CRIM1: variants seen among roughly 807,000 people sequenced by gnomAD.
The protein encoded by CRIM1 is cysteine rich transmembrane BMP regulator 1.
In CRIM1, 32 loss-of-function variants were observed where a neutral mutation model predicts 116.4. That is an observed-to-expected ratio of 0.27 (90% confidence interval 0.21 to 0.37). The LOEUF (loss-of-function observed/expected upper bound fraction) is 0.37. CRIM1 is among the 10% of genes least tolerant of loss of function. The pLI is 1.00. For missense variants in CRIM1, 1,331 were observed against 1,354.8 expected (o/e 0.98, Z 0.28); for synonymous variants, 590 against 509.2 (o/e 1.16, Z -2.13).
intron 14 of CRIM1, among the ~76,000 whole-genome samples, chr2:36,538,463 G>T (rs536647931): frequency 6.6e-6 from 1 of 152,074 alleles, no homozygotes; most frequent in Non-Finnish European, 1.5e-5. Context: ...ATGTTTTCTC[G>T]CAGCATTATA....
intron 2 of CRIM1, among the ~76,000 whole-genome samples, chr2:36,430,075 A>C (rs1346210401): frequency 6.6e-6 from 1 of 152,224 alleles, no homozygotes; most frequent in Admixed American, 6.5e-5. Context: ...ATTCCAGCAC[A>C]TCCCGTCAGC....
chr2:36,538,984 C>T, intron 14 of CRIM1, among the ~76,000 whole-genome samples: 1 of 152,206 alleles, frequency 6.6e-6, no homozygotes, highest in East Asian at 1.9e-4. Flanking sequence ...GTGCCAAGCA[C>T]TGTTCTAGGC....
At chr2:36,364,640 C>T (rs1245351097) in intron 1 of CRIM1, among the ~76,000 whole-genome samples, 1 of 152,140 alleles carries the variant, frequency 6.6e-6, no homozygotes, top group Non-Finnish European at 1.5e-5. Flanking sequence ...GAAAATAGGG[C>T]TTGGGGCTAG....
intron 4 of CRIM1, among the ~76,000 whole-genome samples, chr2:36,449,768 C>T (rs1676549312): frequency 6.6e-6 from 1 of 151,594 alleles, no homozygotes; most frequent in Non-Finnish European, 1.5e-5. Context: ...TTTCAGAGCT[C>T]AGAAAATAAT....
At chr2:36,538,739 TC>T (rs1028350691) in intron 14 of CRIM1, among the ~76,000 whole-genome samples, 7 of 152,188 alleles carry the variant, frequency 4.6e-5, no homozygotes, top group Non-Finnish European at 8.8e-5. Flanking sequence ...AGTTGGGTTC[TC>T]TTTATAGTTT....
intron 7 of CRIM1, among the ~76,000 whole-genome samples, chr2:36,497,765 C>G (rs1680701720): frequency 6.6e-6 from 1 of 152,194 alleles, no homozygotes; most frequent in African/African-American, 2.4e-5. Context: ...AGTAAGTCAT[C>G]GTTGCCTGCT....
chr2:36,413,479 G>A (rs532616002), intron 2 of CRIM1, among the ~76,000 whole-genome samples: 6 of 152,182 alleles, frequency 3.9e-5, no homozygotes, highest in African/African-American at 1.2e-4. Context: ...GGGAAAGGAC[G>A]GTTGTGAGGC....
chr2:36,416,235 G>T (rs1010943181), intron 2 of CRIM1, among the ~76,000 whole-genome samples: 2 of 129,472 alleles, frequency 1.5e-5, no homozygotes, highest in Admixed American at 7.6e-5. Context: ...AATAATAATG[G>T]ATTGGAACTA....
chr2:36,395,322 G>T (rs184181657), intron 1 of CRIM1, among the ~76,000 whole-genome samples: 98 of 152,204 alleles, frequency 6.4e-4, no homozygotes, highest in African/African-American at 2.3e-3. Context: ...TTTTAAGATG[G>T]CATTTATACC....
intron 1 of CRIM1, among the ~76,000 whole-genome samples, chr2:36,379,540 G>T (rs1233841072): frequency 2.6e-5 from 4 of 152,144 alleles, no homozygotes; most frequent in Non-Finnish European, 5.9e-5. Context: ...GCGTGCAGAG[G>T]TAATGTGCAG....
intron 14 of CRIM1, 130 bp downstream of exon 14, chr2:36,537,676 G>A (rs753977022): frequency 7.8e-6 from 8 of 1,019,896 alleles, no homozygotes; most frequent in Middle Eastern, 3.1e-4. Flanking sequence ...CCCAGTTAGC[G>A]CCTCCACCCA....
At chr2:36,450,355 A>T (rs936864266) in intron 4 of CRIM1, among the ~76,000 whole-genome samples, 1 of 151,992 alleles carries the variant, frequency 6.6e-6, no homozygotes, top group Non-Finnish European at 1.5e-5. Context: ...CTGAGGTCGG[A>T]TTGTGTGTGT....
intron 1 of CRIM1, among the ~76,000 whole-genome samples, chr2:36,390,286 A>G (rs1385959109): frequency 2.0e-5 from 3 of 152,222 alleles, no homozygotes; most frequent in African/African-American, 7.2e-5. Context: ...GCTGTTGGGA[A>G]AAAATAGGGT....
intron 1 of CRIM1, among the ~76,000 whole-genome samples, chr2:36,358,591 G>C (rs1264842032): frequency 6.6e-6 from 1 of 152,178 alleles, no homozygotes; most frequent in East Asian, 1.9e-4. Flanking sequence ...CCTCTGAAAT[G>C]ATGTGATCCC....
intron 8 of CRIM1, among the ~76,000 whole-genome samples, chr2:36,501,807 G>C (rs1207948953): frequency 6.6e-6 from 1 of 152,026 alleles, no homozygotes; most frequent in African/African-American, 2.4e-5. Flanking sequence ...TACCCATTTG[G>C]GGGTATTCTG....
chr2:36,373,527 A>G (rs1670085988), intron 1 of CRIM1, among the ~76,000 whole-genome samples: 1 of 152,224 alleles, frequency 6.6e-6, no homozygotes, highest in Non-Finnish European at 1.5e-5. Context: ...CTGTACCCAA[A>G]GATGGCACTT....
At chr2:36,444,922 G>C (rs958549565) in intron 4 of CRIM1, among the ~76,000 whole-genome samples, 1 of 152,146 alleles carries the variant, frequency 6.6e-6, no homozygotes, top group South Asian at 2.1e-4. Flanking sequence ...GATGACTTAA[G>C]TGTCCCTCTC....
intron 2 of CRIM1, among the ~76,000 whole-genome samples, chr2:36,397,489 G>T (rs981163233): frequency 2.6e-5 from 4 of 152,082 alleles, no homozygotes; most frequent in African/African-American, 9.7e-5. Flanking sequence ...CCTGGGTTTG[G>T]GTCTCAGCTC....
At chr2:36,412,315 C>T (rs1212699787) in intron 2 of CRIM1, among the ~76,000 whole-genome samples, 1 of 148,818 alleles carries the variant, frequency 6.7e-6, no homozygotes, top group Non-Finnish European at 1.5e-5. Flanking sequence ...ATACCGAGGA[C>T]AAAGGTAAAG....
Sources: gnomAD v4.1 joint callset for allele counts (sites outside exome capture counted in the v4.1 genomes callset) on GRCh38, gnomAD v4.1.1 for gene constraint, MANE v1.5 for transcripts, NCBI Gene and HGNC (gene_info 2026-07-23, HGNC 2026-07-21) for gene names.